Variants in KIAA1217 observed in about 807,000 individuals in gnomAD.
KIAA1217 encodes the protein sickle tail protein homolog.
Under a neutral mutation model 163.9 loss-of-function variants are expected in KIAA1217, and 88 were observed. That is an observed-to-expected ratio of 0.54 (90% CI 0.45 to 0.64). KIAA1217 has a LOEUF of 0.64. Among genes scored for constraint, KIAA1217 ranks in the 30% least tolerant of loss-of-function variants. The pLI is 0.00. For synonymous variants in KIAA1217, 903 were observed against 923.1 expected, an observed-to-expected ratio of 0.98 and a Z score of 0.39; for missense variants, 2,372 against 2,475.0, an observed-to-expected ratio of 0.96 and a Z score of 0.88.
intron 5 of KIAA1217, among the ~76,000 whole-genome samples, chr10:24,451,148 A>G (rs561205289): frequency 6.6e-6 from 1 of 152,320 alleles, no homozygotes; most frequent in African/African-American, 2.4e-5. Flanking sequence ...TCTTTACTAC[A>G]CAGACCTTTC....
rs1037250500 is a variant in KIAA1217 at position 24,248,699 on chromosome 10, G to A, written c.354+28790G>A. On this transcript the variant is annotated intron_variant, in intron 2 of 20. Transcript: ENST00000376454. Reference sequence around the variant, plus strand: ...AAAAAAAAAAAAAAAAAAAAAAAATGTCCCTCATACCTAAACCTTACCTCT... The same window carrying A: ...AAAAAAAAAAAAAAAAAAAAAAAATATCCCTCATACCTAAACCTTACCTCT... Among the ~76,000 whole-genome samples, 289 of 115,118 alleles carry A rather than the reference G, an allele frequency of 2.5e-3. 3 individuals are homozygous for A. The highest frequency in any genetic ancestry group is 9.3e-3 in the African/African-American group (273 of 29,316). 75.5% of individuals were successfully genotyped at this position (115,118 alleles called of 152,430 possible).
At chr10:23,710,457 A>C (rs1414877696) in intron 1 of KIAA1217, among the ~76,000 whole-genome samples, 1 of 152,246 alleles carries the variant, frequency 6.6e-6, no homozygotes, top group Non-Finnish European at 1.5e-5. Context: ...TTTGTAGATA[A>C]TGAAGATTGT....
intron 1 of KIAA1217, among the ~76,000 whole-genome samples, chr10:23,767,053 G>T (rs974773640): frequency 3.9e-5 from 6 of 152,232 alleles, no homozygotes; most frequent in Non-Finnish European, 7.3e-5. Context: ...AGCATCCAGA[G>T]TTCTATGGGG....
chr10:23,791,871 A>AT lies in KIAA1217; in HGVS notation c.-321+96645dup, dbSNP rs146704163. Among the ~76,000 whole-genome samples the AT allele has an allele frequency of 3.7e-3, 570 of 152,152 alleles. 9 individuals carry two copies. The highest frequency in any genetic ancestry group is 0.03 in the Admixed American group (458 of 15,280). On this transcript the variant is annotated intron_variant, in intron 1 of 18. Transcript: ENST00000376462. The stretch of plus-strand genomic sequence containing the variant: ...TTATATTTCCACCAAATAAGAAGTG[A>AT]TTTTTTTTCTCTGTTATCTAGACAC...
intron 1 of KIAA1217, among the ~76,000 whole-genome samples, chr10:23,929,800 T>G (rs1199001306): frequency 6.6e-6 from 1 of 152,214 alleles, no homozygotes; most frequent in African/African-American, 2.4e-5. Context: ...GAATAATTTA[T>G]TTTCCTTTGG....
chr10:24,070,136 G>A (rs2061128531), intron 2 of KIAA1217, among the ~76,000 whole-genome samples: 2 of 152,096 alleles, frequency 1.3e-5, no homozygotes, highest in Non-Finnish European at 2.9e-5. Flanking sequence ...TAGAGACAAA[G>A]TGATCAGAAG....
At chr10:24,425,020 C>A (rs1208887264) in intron 3 of KIAA1217, among the ~76,000 whole-genome samples, 1 of 152,150 alleles carries the variant, frequency 6.6e-6, no homozygotes, top group Non-Finnish European at 1.5e-5. Flanking sequence ...ATTTCAGATG[C>A]CAGTGTACAT....
At chr10:24,233,956 T>C (rs1415241462) in intron 2 of KIAA1217, among the ~76,000 whole-genome samples, 2 of 152,256 alleles carry the variant, frequency 1.3e-5, no homozygotes, top group African/African-American at 4.8e-5. Context: ...TCTCTATAAG[T>C]TATGTCTTTA....
At chr10:23,820,799 G>C (rs937931869) in intron 1 of KIAA1217, among the ~76,000 whole-genome samples, 1 of 152,170 alleles carries the variant, frequency 6.6e-6, no homozygotes, top group Non-Finnish European at 1.5e-5. Flanking sequence ...CCCAGTGTTT[G>C]TTTGGAGTTG....
chr10:24,248,670 C>CAA (rs929995548), intron 2 of KIAA1217, among the ~76,000 whole-genome samples: 891 of 36,320 alleles, frequency 0.025, 83 homozygotes, highest in African/African-American at 0.066. Context: ...GACTCCATCT[C>CAA]AAAAAAAAAA....
At chr10:24,348,808 C>A (rs1164532114) in intron 2 of KIAA1217, among the ~76,000 whole-genome samples, 1 of 152,040 alleles carries the variant, frequency 6.6e-6, no homozygotes, top group Non-Finnish European at 1.5e-5. Context: ...GAGTAGATAG[C>A]GTTCTGAGCA....
At chr10:24,071,055 T>C (rs563898114) in intron 2 of KIAA1217, among the ~76,000 whole-genome samples, 9 of 152,254 alleles carry the variant, frequency 5.9e-5, no homozygotes, top group African/African-American at 1.9e-4. Context: ...GCATACCTAA[T>C]GAGACCAATT....
Position 24,524,524 on chromosome 10 carries a change from C to T in KIAA1217, c.2658C>T (p.His886=), listed in dbSNP as rs139472230. The change falls in exon 13 of 21, where the codon CAC becomes CAT. Residue 886 remains histidine, a synonymous_variant. Coordinates refer to ENST00000376454, the MANE Select transcript of KIAA1217 (RefSeq NM_019590.5). ...VVPLSGMMVR[H]AQSSPVVIQP... ...CTTTGTCCGGCATGATGGTTCGCCA[C>T]GCGCAGAGCTCCCCTGTGGTCATCC... 80 of 1,614,122 alleles carry T rather than the reference C, an allele frequency of 5.0e-5. No individual in the cohort carries two copies. The highest frequency in any genetic ancestry group is 4.9e-4 in the Middle Eastern group (3 of 6,062).
chr10:24,005,214 C>G (rs1469892393), intron 1 of KIAA1217, among the ~76,000 whole-genome samples: 4 of 152,182 alleles, frequency 2.6e-5, no homozygotes, highest in African/African-American at 9.6e-5. Flanking sequence ...CAATGCCTAG[C>G]TGGCAGGACT....
chr10:24,266,418 A>T (rs1020896750), intron 2 of KIAA1217, among the ~76,000 whole-genome samples: 1 of 152,130 alleles, frequency 6.6e-6, no homozygotes, highest in Admixed American at 6.6e-5. Context: ...CAAAGACTTC[A>T]TCTTTTCTCC....
chr10:23,993,750 T>C (rs933239435), intron 1 of KIAA1217, among the ~76,000 whole-genome samples: 7 of 151,806 alleles, frequency 4.6e-5, no homozygotes, highest in African/African-American at 1.7e-4. Flanking sequence ...AAAATACATT[T>C]GGATTTTTAG....
rs567545221 is a variant in KIAA1217, at chr10:24,147,617, C to T, written c.-170-72009C>T. Among the ~76,000 whole-genome samples, 24 of 151,812 alleles carry T rather than the reference C, an allele frequency of 1.6e-4. 1 individual carries two copies. The highest frequency in any genetic ancestry group is 1.1e-3 in the Admixed American group (17 of 15,244). ...CAACACTTTGGGAGGCCAAGGCGGG[C>T]GGATCATCTGAGGTCAGGGGTTTGA... is the stretch of plus-strand genomic sequence containing the variant. On this transcript the variant is annotated intron_variant, in intron 2 of 18. Transcript: ENST00000376462.
intron 1 of KIAA1217, among the ~76,000 whole-genome samples, chr10:23,698,344 G>T (rs1160668682): frequency 6.6e-6 from 1 of 152,162 alleles, no homozygotes; most frequent in East Asian, 1.9e-4. Flanking sequence ...AATTTATATT[G>T]TAGAAGTAAA....
intron 1 of KIAA1217, among the ~76,000 whole-genome samples, chr10:23,806,373 T>G (rs1836743805): frequency 6.6e-6 from 1 of 152,214 alleles, no homozygotes; most frequent in Admixed American, 6.5e-5. Flanking sequence ...AATGACTTTT[T>G]TACATTAAAT....
Sources: allele counts gnomAD v4.1 joint callset (sites outside exome capture counted in the v4.1 genomes callset), GRCh38; gene constraint gnomAD v4.1.1; transcripts MANE v1.5; gene names NCBI Gene and HGNC (gene_info 2026-07-23, HGNC 2026-07-21).